Variants in KIF1A observed in about 807,000 individuals in gnomAD.
KIF1A encodes kinesin-like protein KIF1A.
Under a neutral mutation model 227.3 loss-of-function variants are expected in KIF1A, and 46 were observed. The observed-to-expected ratio is 0.20, with a 90% CI of 0.16 to 0.26. The LOEUF (loss-of-function observed/expected upper bound fraction) is 0.26, where lower values mean the gene tolerates loss of function less well. KIF1A is among the 10% of genes least tolerant of loss of function. The pLI, the probability that KIF1A is intolerant of heterozygous loss-of-function variation, is 1.00. For synonymous variants in KIF1A, 1,022 were observed against 1,012.8 expected, an observed-to-expected ratio of 1.01 and a Z score of -0.17; for missense variants, 1,683 against 2,485.9, an observed-to-expected ratio of 0.68 and a Z score of 6.87.
intron 20 of KIF1A, 126 bp from the exon 21 acceptor site, chr2:240,763,472 C>T: frequency 1.1e-6 from 1 of 891,688 alleles, no homozygotes. Flanking sequence ...AGCTCCCAGC[C>T]ACTCCTTCTT....
chr2:240,775,243 G>T lies in KIF1A; in HGVS notation c.958+608C>A, dbSNP rs1037805697. On this transcript the variant is annotated intron_variant, in intron 11 of 48. Coordinates refer to ENST00000498729, the MANE Select transcript of KIF1A (RefSeq NM_001244008.2). The surrounding 1 kb of genome is among the most constrained non-coding windows in gnomAD (Gnocchi z 5.5). ...CTCTGCACACCTCAGCCATGCGGCTGAGGGAGGCCAGGGACCCCCAGTCAT... is the reference window on the plus strand; with the variant it reads ...CTCTGCACACCTCAGCCATGCGGCTTAGGGAGGCCAGGGACCCCCAGTCAT... Among the ~76,000 whole-genome samples, 1 of 152,212 alleles carries T rather than the reference G, an allele frequency of 6.6e-6. No individual in the cohort carries two copies. Among genetic ancestry groups the T allele is most frequent in the African/African-American group, 2.4e-5 (1 of 41,460 alleles).
intron 13 of KIF1A, among the ~76,000 whole-genome samples, chr2:240,772,882 C>A (rs2052193688): frequency 6.6e-6 from 1 of 152,252 alleles, no homozygotes; most frequent in Non-Finnish European, 1.5e-5. Context: ...AGGAAACTTG[C>A]CCTTGTCCAG....
At chr2:240,802,790 C>T (rs1211129385) in intron 1 of KIF1A, among the ~76,000 whole-genome samples, 1 of 152,116 alleles carries the variant, frequency 6.6e-6, no homozygotes, top group South Asian at 2.1e-4. Context: ...TGTCACCATA[C>T]CTGGCTAAAT....
At chr2:240,717,929 G>T in intron 48 of KIF1A, 121 bp downstream of exon 48, 2 of 724,940 alleles carry the variant, frequency 2.8e-6, no homozygotes, top group South Asian at 1.5e-5. Context: ...AGGGGATTGA[G>T]GGCAGGACCC....
At chr2:240,717,459 C>T in intron 48 of KIF1A, 53 bp from the exon 49 acceptor site, 1 of 1,562,708 alleles carries the variant, frequency 6.4e-7, no homozygotes, top group Non-Finnish European at 8.8e-7. Flanking sequence ...ACCTGCAGGC[C>T]ATATCCACCG....
At position 240,796,902 on chromosome 2, in the gene KIF1A, G is replaced by GC. The variant is rs1205546987; in HGVS notation, c.106+744dup. 2.2e-4 allele frequency among the ~76,000 whole-genome samples: 34 copies of GC among 152,228 alleles called. No homozygotes were observed. In the East Asian group the frequency reaches 6.4e-3, roughly 29 times the overall value. The stretch of plus-strand genomic sequence containing the variant: ...GACCTGAGTGCCCTCCCCTCGGGAC[G>GC]CCCCCCTCCCCACCTGGTAGATAAT... On this transcript the variant is annotated intron_variant, in intron 2 of 48. Coordinates refer to ENST00000498729, the MANE Select transcript of KIF1A (RefSeq NM_001244008.2).
At chr2:240,765,836 G>T in intron 19 of KIF1A, 43 bp from the exon 20 acceptor site, 4 of 1,469,514 alleles carry the variant, frequency 2.7e-6, no homozygotes, top group Non-Finnish European at 9.5e-7. Flanking sequence ...ACTATGAGGG[G>T]CTGTCACCTA....
chr2:240,734,249 T>A (rs1486724220), intron 38 of KIF1A, among the ~76,000 whole-genome samples: 3 of 152,204 alleles, frequency 2.0e-5, no homozygotes, highest in Non-Finnish European at 4.4e-5. Flanking sequence ...ACCCCTGTGC[T>A]CATGGCTCTG....
At chr2:240,761,893 A>C (rs888262438) in intron 23 of KIF1A, among the ~76,000 whole-genome samples, 3 of 152,220 alleles carry the variant, frequency 2.0e-5, no homozygotes, top group African/African-American at 7.2e-5. Flanking sequence ...GCAGGAGGGC[A>C]GGCCAGGTGC....
At position 240,786,259 on chromosome 2, in the gene KIF1A, C is replaced by T. The variant is rs141168212; in HGVS notation, c.608+76G>A. 9,108 of 1,431,662 alleles carry T rather than the reference C, an allele frequency of 6.4e-3. 47 individuals are homozygous for T. Among genetic ancestry groups the T allele is most frequent in the Middle Eastern group, 0.012 (63 of 5,346 alleles). 88.7% of individuals were successfully genotyped at this position (1,431,662 alleles called of 1,614,324 possible). On this transcript the variant is annotated intron_variant, in intron 6 of 48. Coordinates refer to ENST00000498729, the MANE Select transcript of KIF1A (RefSeq NM_001244008.2). The stretch of plus-strand genomic sequence containing the variant: ...GGACCCTACCAAAAAGGGCCAGGAC[C>T]GAGGTGAAGGGGCTTCCTCCGGGGA...
rs146183010 is a variant in KIF1A at position 240,818,167 on chromosome 2, C to A, written c.-61+1955G>T. On this transcript the variant is annotated intron_variant, in intron 1 of 48. Transcript: ENST00000498729. ...GCCCGGCCCGGGACCCCTGCCTTGA[C>A]AACTGATTCCAGCCTCTGTCCACCC... Among the ~76,000 whole-genome samples, 1,137 of 152,304 alleles carry A rather than the reference C, an allele frequency of 7.5e-3. 6 individuals are homozygous for A. Among genetic ancestry groups the A allele is most frequent in the Non-Finnish European group, 0.013 (868 of 68,024 alleles).
chr2:240,813,840 C>T (rs947539235), intron 1 of KIF1A, among the ~76,000 whole-genome samples: 3 of 152,134 alleles, frequency 2.0e-5, no homozygotes, highest in Non-Finnish European at 4.4e-5. Context: ...GAAAACAGGC[C>T]CTGCGGGAAG....
At chr2:240,768,193 C>T (rs1034274055) in intron 17 of KIF1A, among the ~76,000 whole-genome samples, 4 of 152,232 alleles carry the variant, frequency 2.6e-5, no homozygotes, top group Non-Finnish European at 5.9e-5. Flanking sequence ...AATAAAGCTG[C>T]ACCCCTGGAG....
At chr2:240,717,509 AC>A in intron 48 of KIF1A, 103 bp from the exon 49 acceptor site, 1 of 1,025,644 alleles carries the variant, frequency 9.7e-7, no homozygotes, top group Non-Finnish European at 1.5e-6. Flanking sequence ...GCAGCCACAG[AC>A]CCCATGTCCC....
chr2:240,813,069 A>C (rs996538565), intron 1 of KIF1A, among the ~76,000 whole-genome samples: 1 of 152,056 alleles, frequency 6.6e-6, no homozygotes, highest in South Asian at 2.1e-4. Flanking sequence ...GTGGCCCGCC[A>C]TGTGCACACC....
rs140783695 is a variant in KIF1A, at chr2:240,750,508, G to C, written c.2898C>G (p.Pro966=). 5.9e-4 allele frequency: 948 copies of C among 1,613,926 alleles called. 5 individuals carry two copies. In the Middle Eastern group the frequency reaches 7.3e-3, roughly 12 times the overall value. The change falls in exon 28 of 49, where the codon CCC becomes CCG. Residue 966 remains proline, a synonymous_variant. Coordinates refer to ENST00000498729, the MANE Select transcript of KIF1A (RefSeq NM_001244008.2). The stretch of plus-strand genomic sequence containing the variant: ...TGACGATTGCCACACGGTGTACCAG[G>C]GGAACGGGGTACAGCAGGTTGCTCA... ...VYLSNLLYPV[P]LVHRVAIVSE... is the part of the protein sequence containing the mutation.
intron 10 of KIF1A, among the ~76,000 whole-genome samples, chr2:240,779,467 G>C (rs1264461735): frequency 1.5e-5 from 2 of 133,122 alleles, no homozygotes; most frequent in Non-Finnish European, 1.5e-5. Context: ...TCCACACTCA[G>C]TTCCTCACTC....
At chr2:240,754,337 T>C (rs941996057) in intron 27 of KIF1A, among the ~76,000 whole-genome samples, 8 of 135,274 alleles carry the variant, frequency 5.9e-5, no homozygotes, top group African/African-American at 2.4e-4. Context: ...GATCTGGCTG[T>C]GGCTCTAGTG....
Position 240,779,309 on chromosome 2 carries a change from T to A in KIF1A, c.882+3281A>T, listed in dbSNP as rs545430690. Among the ~76,000 whole-genome samples, 11 of 136,740 alleles carry A rather than the reference T, an allele frequency of 8.0e-5. 2 individuals are homozygous for A. Among genetic ancestry groups the A allele is most frequent in the Non-Finnish European group, 1.4e-4 (9 of 65,710 alleles). 89.7% of individuals were successfully genotyped at this position (136,740 alleles called of 152,430 possible). On this transcript the variant is annotated intron_variant, in intron 10 of 48. Coordinates refer to ENST00000498729, the MANE Select transcript of KIF1A (RefSeq NM_001244008.2). ...AGTTCCTCATAGTTCCACACTCAGT[T>A]CCTCACTCACTTCCTCACTCAGTTC...
Sources: allele counts gnomAD v4.1 joint callset (sites outside exome capture counted in the v4.1 genomes callset), GRCh38; gene constraint gnomAD v4.1.1; non-coding constraint Gnocchi (gnomAD v3.1); transcripts MANE v1.5; gene names NCBI Gene and HGNC (gene_info 2026-07-23, HGNC 2026-07-21).